RPSA2: variants seen among roughly 807,000 people sequenced by gnomAD.
The protein encoded by RPSA2 is small ribosomal subunit protein uS2B.
the RPSA2 span, among the ~76,000 whole-genome samples, chr19:23,816,254 C>T: frequency 2.0e-5 from 3 of 152,164 alleles, no homozygotes; most frequent in African/African-American, 4.8e-5. Context: ...TCATTTCAGC[C>T]TCTTAGGTAG....
chr19:23,793,780 G>A, the RPSA2 span, among the ~76,000 whole-genome samples: 1 of 152,092 alleles, frequency 6.6e-6, no homozygotes, highest in South Asian at 2.1e-4. Context: ...TGGCCAGGAT[G>A]GTCTTGAATT....
At chr19:23,833,301 A>G in the RPSA2 span, 7 of 645,240 alleles carry the variant, frequency 1.1e-5, no homozygotes, top group Admixed American at 5.0e-5. Context: ...GAGAAATATT[A>G]CAAGTGTGAA....
chr19:23,839,175 A>G, the RPSA2 span, among the ~76,000 whole-genome samples: 1 of 152,084 alleles, frequency 6.6e-6, no homozygotes, highest in Non-Finnish European at 1.5e-5. Flanking sequence ...TAATTTCCAT[A>G]TTGATTTTGT....
At chr19:23,857,124 C>A in the RPSA2 span, among the ~76,000 whole-genome samples, 1 of 152,102 alleles carries the variant, frequency 6.6e-6, no homozygotes, top group African/African-American at 2.4e-5. Flanking sequence ...GAATGAAATT[C>A]TTTTCCTAGA....
At chr19:23,828,037 T>G in the RPSA2 span, 1 of 644,692 alleles carries the variant, frequency 1.6e-6, no homozygotes, top group Non-Finnish European at 2.7e-6. Flanking sequence ...GAGCAACCAC[T>G]GACTGGTCTT....
chr19:23,788,132 A>G, the RPSA2 span, among the ~76,000 whole-genome samples: 1 of 152,132 alleles, frequency 6.6e-6, no homozygotes, highest in Non-Finnish European at 1.5e-5. Flanking sequence ...GTACCTGTCC[A>G]CAGTAGGAAA....
At chr19:23,830,633 T>C in the RPSA2 span, among the ~76,000 whole-genome samples, 1 of 152,158 alleles carries the variant, frequency 6.6e-6, no homozygotes, top group African/African-American at 2.4e-5. Flanking sequence ...CCACAATTTT[T>C]GTTTTTTTGA....
chr19:23,829,279 C>A, the RPSA2 span, among the ~76,000 whole-genome samples: 1 of 151,900 alleles, frequency 6.6e-6, no homozygotes, highest in East Asian at 1.9e-4. Flanking sequence ...TTGATGTTTG[C>A]ATTGATATGC....
chr19:23,835,016 G>A, the RPSA2 span, among the ~76,000 whole-genome samples: 1 of 151,934 alleles, frequency 6.6e-6, no homozygotes, highest in Non-Finnish European at 1.5e-5. Flanking sequence ...CACATTAGAG[G>A]AAATGAGATG....
At chr19:23,770,093 A>G in the RPSA2 span, among the ~76,000 whole-genome samples, 15 of 152,024 alleles carry the variant, frequency 9.9e-5, no homozygotes, top group Admixed American at 8.5e-4. Flanking sequence ...TGATTCTTTC[A>G]TTTTCCTGAG....
the RPSA2 span, chr19:23,808,005 GT>G: frequency 1.1e-3 from 229 of 211,340 alleles, 1 homozygote; most frequent in Non-Finnish European, 1.9e-3. Flanking sequence ...TTTGTAGAAT[GT>G]TTTCTGGTAA....
At chr19:23,760,916 C>T in the RPSA2 span, among the ~76,000 whole-genome samples, 10 of 151,382 alleles carry the variant, frequency 6.6e-5, no homozygotes, top group Admixed American at 1.3e-4. Context: ...CTGCCCACCT[C>T]GGCCTCCCAA....
At chr19:23,851,785 C>G in the RPSA2 span, among the ~76,000 whole-genome samples, 4 of 152,082 alleles carry the variant, frequency 2.6e-5, no homozygotes, top group African/African-American at 9.7e-5. Flanking sequence ...TTTGGTCAGT[C>G]GAAGGACCAC....
At chr19:23,853,599 G>A in the RPSA2 span, among the ~76,000 whole-genome samples, 1 of 152,218 alleles carries the variant, frequency 6.6e-6, no homozygotes, top group African/African-American at 2.4e-5. Context: ...GTAACTTGAA[G>A]AGGTTTAGTA....
the RPSA2 span, among the ~76,000 whole-genome samples, chr19:23,866,214 A>G: frequency 6.6e-6 from 1 of 152,172 alleles, no homozygotes; most frequent in Non-Finnish European, 1.5e-5. Flanking sequence ...TCTTTTCTAC[A>G]TGTCACACAG....
the RPSA2 span, among the ~76,000 whole-genome samples, chr19:23,825,911 C>T: frequency 6.6e-6 from 1 of 151,864 alleles, no homozygotes; most frequent in East Asian, 1.9e-4. Context: ...ATAATTTCAA[C>T]AACCTATTTA....
At chr19:23,769,909 T>C in the RPSA2 span, among the ~76,000 whole-genome samples, 1 of 152,180 alleles carries the variant, frequency 6.6e-6, no homozygotes, top group Admixed American at 6.5e-5. Flanking sequence ...ATGAAATATC[T>C]TTATATTAAT....
the RPSA2 span, chr19:23,832,167 C>T: frequency 2.5e-6 from 1 of 405,758 alleles, no homozygotes; most frequent in Non-Finnish European, 4.9e-6. Flanking sequence ...AAGCATTTTG[C>T]CAGCCCTCAA....
the RPSA2 span, among the ~76,000 whole-genome samples, chr19:23,762,470 G>A: frequency 2.0e-5 from 3 of 151,804 alleles, no homozygotes; most frequent in African/African-American, 7.2e-5. Context: ...GGGATCTGGA[G>A]TTCGAGAGCA....
Sources: gnomAD v4.1 joint callset for allele counts (sites outside exome capture counted in the v4.1 genomes callset) on GRCh38, gnomAD v4.1.1 for gene constraint, MANE v1.5 for transcripts, NCBI Gene and HGNC (gene_info 2026-07-23, HGNC 2026-07-21) for gene names.